The following WLS variants were observed in gnomAD, a reference collection of about 807,000 sequenced individuals.
WLS encodes protein wntless homolog.
Under a neutral mutation model 62.8 loss-of-function variants are expected in WLS, and 23 were observed. The ratio of observed to expected loss-of-function variants is 0.37; its 90% CI spans 0.26 to 0.52. The LOEUF (loss-of-function observed/expected upper bound fraction) is 0.52, where lower values mean the gene tolerates loss of function less well. Ranked by LOEUF, WLS falls within the 20% of genes least tolerant of loss-of-function variation. The pLI, the probability that WLS is intolerant of heterozygous loss-of-function variation, is 0.92. For missense variants in WLS, 615 were observed against 697.3 expected, an observed-to-expected ratio of 0.88 and a Z score of 1.33; for synonymous variants, 246 against 244.1, an observed-to-expected ratio of 1.01 and a Z score of -0.07.
At chr1:68,136,957 G>T (rs1646619673) in intron 11 of WLS, among the ~76,000 whole-genome samples, 1 of 152,222 alleles carries the variant, frequency 6.6e-6, no homozygotes, top group South Asian at 2.1e-4. Flanking sequence ...AATAGCAAAT[G>T]CATGGCTAGA....
intron 1 of WLS, among the ~76,000 whole-genome samples, chr1:68,217,415 G>A (rs1649773472): frequency 6.6e-6 from 1 of 152,178 alleles, no homozygotes; most frequent in Non-Finnish European, 1.5e-5. Context: ...CAGCAGGATA[G>A]AAATAAGCAG....
chr1:68,142,091 T>C (rs1224731292), intron 10 of WLS, among the ~76,000 whole-genome samples: 2 of 152,244 alleles, frequency 1.3e-5, no homozygotes, highest in African/African-American at 4.8e-5. Context: ...CCTTGGAAGA[T>C]GGCTTCCTTT....
intron 2 of WLS, among the ~76,000 whole-genome samples, chr1:68,184,132 T>C (rs959543503): frequency 1.3e-5 from 2 of 152,228 alleles, no homozygotes; most frequent in African/African-American, 4.8e-5. Flanking sequence ...AAGACACAGC[T>C]ATCCATCTTG....
intron 5 of WLS, among the ~76,000 whole-genome samples, chr1:68,152,707 G>A (rs1010172628): frequency 3.9e-5 from 6 of 152,166 alleles, no homozygotes; most frequent in African/African-American, 1.4e-4. Context: ...AAGCATTGCT[G>A]TAAAGAGGAG....
chr1:68,102,140 C>T (rs1020634447), intron 11 of WLS, among the ~76,000 whole-genome samples: 8 of 152,158 alleles, frequency 5.3e-5, no homozygotes, highest in African/African-American at 1.9e-4. Context: ...GTATTCCATT[C>T]AACACCCTCC....
intron 11 of WLS, among the ~76,000 whole-genome samples, chr1:68,109,687 GA>G (rs1234546352): frequency 1.3e-5 from 2 of 151,586 alleles, no homozygotes; most frequent in Admixed American, 6.6e-5. Flanking sequence ...TATAGCACAG[GA>G]AAAAAAGATT....
At chr1:68,188,732 C>T (rs1480425061) in intron 2 of WLS, among the ~76,000 whole-genome samples, 1 of 152,138 alleles carries the variant, frequency 6.6e-6, no homozygotes, top group African/African-American at 2.4e-5. Flanking sequence ...TCAATATCAG[C>T]GAAGACGCAA....
chr1:68,125,865 T>G lies in WLS; in HGVS notation c.*361A>C. ...TTTAAAACAGGAAAAATGTCAAATA[T>G]TCCACTCCCCATTCGGCCCAAACCA... On this transcript the variant is annotated 3_prime_UTR_variant, in exon 12 of 12. Coordinates refer to ENST00000262348, the MANE Select transcript of WLS (RefSeq NM_024911.7). 9.7e-7 allele frequency: 1 copy of G among 1,034,340 alleles called. No individual in the cohort carries two copies. The highest frequency in any genetic ancestry group is 1.2e-6 in the Non-Finnish European group (1 of 861,260). 64.1% of individuals were successfully genotyped at this position (1,034,340 alleles called of 1,614,324 possible).
At chr1:68,193,902 A>G (rs765769736) in intron 2 of WLS, 53 bp downstream of exon 2, 1 of 1,567,744 alleles carries the variant, frequency 6.4e-7, no homozygotes, top group Non-Finnish European at 8.6e-7. Context: ...AAAAGAACCC[A>G]AAGAGGGCAA....
intron 1 of WLS, among the ~76,000 whole-genome samples, chr1:68,221,274 G>A (rs1649930305): frequency 6.6e-6 from 1 of 152,088 alleles, no homozygotes; most frequent in South Asian, 2.1e-4. Context: ...AGATAGCTGA[G>A]GTCCCACAGT....
intron 11 of WLS, among the ~76,000 whole-genome samples, chr1:68,126,570 G>A (rs1237318581): frequency 6.6e-6 from 1 of 152,096 alleles, no homozygotes; most frequent in Admixed American, 6.6e-5. Context: ...TAAGATACGT[G>A]AGTCAGCTCA....
chr1:68,157,513 C>T (rs1646915812), intron 3 of WLS, among the ~76,000 whole-genome samples: 3 of 152,000 alleles, frequency 2.0e-5, no homozygotes, highest in South Asian at 2.1e-4. Flanking sequence ...TGCCCCACCC[C>T]CAGTTCTCCC....
rs56038722 is a variant in WLS, at chr1:68,130,889, CTTTTTTTTTTTT to C, written c.1517-4566_1517-4555del. Among the ~76,000 whole-genome samples, 3 of 100,838 alleles carry C rather than the reference CTTTTTTTTTTTT, an allele frequency of 3.0e-5. No homozygotes were observed. In the East Asian group the frequency reaches 9.0e-4, roughly 30 times the overall value. 66.2% of individuals were successfully genotyped at this position (100,838 alleles called of 152,430 possible). A position where few individuals can be genotyped will look rare whatever the true frequency, so the allele number is the denominator to read the frequency against. On this transcript the variant is annotated intron_variant, in intron 11 of 11. Transcript: ENST00000262348. ...AATGGTGAATGGTAGGTTTCTTCTT[CTTTTTTTTTTTT>C]TTTTTTTTTTTAGATGGAGTCTTGC...
chr1:68,227,247 G>A (rs1052760793), intron 1 of WLS, among the ~76,000 whole-genome samples: 13 of 152,058 alleles, frequency 8.5e-5, no homozygotes, highest in South Asian at 2.1e-4. Context: ...GTGAAACCCC[G>A]TCTCTACTAA....
intron 1 of WLS, among the ~76,000 whole-genome samples, chr1:68,204,980 T>C (rs1649223117): frequency 6.6e-6 from 1 of 152,272 alleles, no homozygotes; most frequent in African/African-American, 2.4e-5. Context: ...TGAACTGAAC[T>C]ATTTATTATA....
At chr1:68,138,732 T>C (rs1004595411) in intron 10 of WLS, among the ~76,000 whole-genome samples, 1 of 152,186 alleles carries the variant, frequency 6.6e-6, no homozygotes, top group Non-Finnish European at 1.5e-5. Context: ...CTGAGCTAAG[T>C]GACTAATTTG....
rs577463582 is a variant in WLS at position 68,125,501 on chromosome 1, C to A, written c.*725G>T. On this transcript the variant is annotated 3_prime_UTR_variant, in exon 12 of 12. Coordinates refer to ENST00000262348, the MANE Select transcript of WLS (RefSeq NM_024911.7). ...CATTTTAAGCAAGAAGTTAAAAAAG[C>A]TTTTCAGACCCGAAGGCCATTTAAT... 1 of 985,384 alleles carries A rather than the reference C, an allele frequency of 1.0e-6. No individual in the cohort carries two copies. The highest frequency in any genetic ancestry group is 4.7e-5 in the South Asian group (1 of 21,286). The allele number at this position is 985,384 out of a possible 1,614,324, so 61.0% of individuals were successfully genotyped here. A position where few individuals can be genotyped will look rare whatever the true frequency, so the allele number is the denominator to read the frequency against.
chr1:68,200,324 C>T (rs1648932724), intron 1 of WLS, among the ~76,000 whole-genome samples: 1 of 152,124 alleles, frequency 6.6e-6, no homozygotes, highest in Non-Finnish European at 1.5e-5. Flanking sequence ...CACCATCTCT[C>T]CACCTGTAAA....
At chr1:68,177,661 T>C (rs1320514347) in intron 2 of WLS, among the ~76,000 whole-genome samples, 1 of 152,100 alleles carries the variant, frequency 6.6e-6, no homozygotes, top group Non-Finnish European at 1.5e-5. Flanking sequence ...ATCCTGATAA[T>C]TTTTGTATTT....
Sources: gnomAD v4.1 joint callset for allele counts (sites outside exome capture counted in the v4.1 genomes callset) on GRCh38, gnomAD v4.1.1 for gene constraint, MANE v1.5 for transcripts, NCBI Gene and HGNC (gene_info 2026-07-23, HGNC 2026-07-21) for gene names.